Variants in COL24A1 observed in about 807,000 individuals in gnomAD.
COL24A1 encodes the protein collagen type XXIV alpha 1 chain.
A neutral mutation model predicts 253.9 loss-of-function variants in COL24A1; 224 were observed. That is an observed-to-expected ratio of 0.88 (90% CI 0.79 to 0.99). The LOEUF (loss-of-function observed/expected upper bound fraction) is 0.99. Among genes scored for constraint, COL24A1 ranks in the 50% least tolerant of loss-of-function variants. COL24A1 has a pLI of 0.00. For missense variants in COL24A1, 2,131 were observed against 2,068.5 expected, an observed-to-expected ratio of 1.03 and a Z score of -0.59; for synonymous variants, 685 against 673.7, an observed-to-expected ratio of 1.02 and a Z score of -0.26.
chr1:86,076,955 A>C (rs534743477), intron 7 of COL24A1, among the ~76,000 whole-genome samples: 58 of 152,334 alleles, frequency 3.8e-4, no homozygotes, highest in African/African-American at 1.4e-3. Flanking sequence ...TGACTAAAAC[A>C]CCAAAAGCAA....
intron 10 of COL24A1, among the ~76,000 whole-genome samples, chr1:86,051,488 C>T (rs558512616): frequency 6.8e-4 from 103 of 152,084 alleles, no homozygotes; most frequent in African/African-American, 2.4e-3. Context: ...TAACAATGTG[C>T]CATCAGTCAA....
intron 32 of COL24A1, among the ~76,000 whole-genome samples, chr1:85,880,232 G>A (rs1172931659): frequency 6.6e-6 from 1 of 151,982 alleles, no homozygotes; most frequent in African/African-American, 2.4e-5. Context: ...TATATATTTT[G>A]TTAGAGTTAC....
chr1:85,975,814 G>A (rs1692617673), intron 20 of COL24A1, among the ~76,000 whole-genome samples: 1 of 152,162 alleles, frequency 6.6e-6, no homozygotes. Context: ...GTGTGAGGGG[G>A]AACACCTGCC....
intron 24 of COL24A1, among the ~76,000 whole-genome samples, chr1:85,955,177 G>C (rs1690313813): frequency 6.6e-6 from 1 of 152,176 alleles, no homozygotes; most frequent in South Asian, 2.1e-4. Context: ...CATCTACGGG[G>C]AGACCACATG....
intron 12 of COL24A1, among the ~76,000 whole-genome samples, chr1:86,041,273 T>G (rs1262078641): frequency 6.6e-6 from 1 of 152,160 alleles, no homozygotes; most frequent in Admixed American, 6.6e-5. Context: ...TTTGATTATT[T>G]ATAATCCATT....
intron 53 of COL24A1, among the ~76,000 whole-genome samples, chr1:85,764,457 C>T (rs1186968405): frequency 1.2e-3 from 1 of 808 alleles, no homozygotes; most frequent in East Asian, 0.018. Flanking sequence ...GTGGAGGATA[C>T]ACACACACAC....
chr1:86,028,202 G>A (rs532716167), intron 14 of COL24A1, among the ~76,000 whole-genome samples: 12 of 152,264 alleles, frequency 7.9e-5, no homozygotes, highest in African/African-American at 1.9e-4. Context: ...TTGGGTTAAC[G>A]CTGGAATGAG....
At chr1:86,026,727 C>T (rs1287058634) in intron 14 of COL24A1, among the ~76,000 whole-genome samples, 2 of 152,048 alleles carry the variant, frequency 1.3e-5, no homozygotes, top group Non-Finnish European at 2.9e-5. Context: ...TATAAAGATA[C>T]CTGGAAATGT....
In COL24A1 at chr1:85,898,057, T is replaced by C. The variant is rs1050377300; in HGVS notation, c.2779-1648A>G. Among the ~76,000 whole-genome samples, 75 of 152,134 alleles carry C rather than the reference T, an allele frequency of 4.9e-4. 3 individuals are homozygous for C. Among genetic ancestry groups the C allele is most frequent in the Non-Finnish European group, 5.9e-5 (4 of 68,010 alleles). ...ACTCAAAGAATAAAAAAGTAGTTTG[T>C]TTGGTTAGGCTATTGATTACATGTT... On this transcript the variant is annotated intron_variant, in intron 28 of 59. Coordinates refer to ENST00000370571, the MANE Select transcript of COL24A1 (RefSeq NM_152890.7).
chr1:85,773,311 C>T (rs1433016153), intron 53 of COL24A1, among the ~76,000 whole-genome samples: 1 of 152,142 alleles, frequency 6.6e-6, no homozygotes, highest in Non-Finnish European at 1.5e-5. Context: ...TGTGATGACT[C>T]CAGCTTTATT....
At position 85,784,127 on chromosome 1, in the gene COL24A1, A is replaced by C; in HGVS notation, c.4207T>G (p.Phe1403Val). The C allele has an allele frequency of 6.2e-7, 1 of 1,613,372 alleles. No homozygotes were observed. The highest frequency in any genetic ancestry group is 8.5e-7 in the Non-Finnish European group (1 of 1,179,506). ...GVQGLTGFQG[F>V]PGPKGPEGDA... is the part of the protein sequence containing the mutation. ...TGTAAACATACTTTAGGGCCTGGGAATCCTTGGAAACCTGTCAAACCTTGA... is the reference window on the plus strand; with the variant it reads ...TGTAAACATACTTTAGGGCCTGGGACTCCTTGGAAACCTGTCAAACCTTGA... The change falls in exon 50 of 60, where the codon TTC (phenylalanine) becomes GTC (valine). Residue 1403 changes from phenylalanine (F) to valine (V), a missense_variant. Transcript: ENST00000370571.
chr1:85,853,017 T>C (rs1317272729), intron 37 of COL24A1, among the ~76,000 whole-genome samples: 1 of 152,206 alleles, frequency 6.6e-6, no homozygotes, highest in Non-Finnish European at 1.5e-5. Context: ...AGGTTTGTTA[T>C]GTGGATAAAT....
chr1:85,832,301 C>T (rs572948956), intron 43 of COL24A1, among the ~76,000 whole-genome samples: 1 of 152,022 alleles, frequency 6.6e-6, no homozygotes, highest in Non-Finnish European at 1.5e-5. Flanking sequence ...TGTTTTGGTA[C>T]CAGTACCATG....
intron 47 of COL24A1, among the ~76,000 whole-genome samples, chr1:85,803,861 C>T (rs112030197): frequency 5.1e-4 from 77 of 152,194 alleles, no homozygotes; most frequent in Admixed American, 5.2e-4. Context: ...TGGCTAGAAC[C>T]TCATTGAATT....
chr1:86,041,909 A>C (rs17128768), intron 12 of COL24A1, among the ~76,000 whole-genome samples: 10,005 of 152,182 alleles, frequency 0.066, 735 homozygotes, highest in African/African-American at 0.18. Flanking sequence ...ATAGAGAGCA[A>C]AAGGATGAAT....
intron 2 of COL24A1, among the ~76,000 whole-genome samples, chr1:86,129,367 C>T (rs1294651382): frequency 6.6e-6 from 1 of 151,362 alleles, no homozygotes; most frequent in African/African-American, 2.4e-5. Flanking sequence ...TGTATACAGC[C>T]TTCAGATTTA....
At chr1:85,776,840 G>T (rs1217806464) in intron 52 of COL24A1, among the ~76,000 whole-genome samples, 1 of 151,912 alleles carries the variant, frequency 6.6e-6, no homozygotes, top group East Asian at 1.9e-4. Context: ...TGCAAGCTAA[G>T]AATACTATCT....
chr1:85,997,506 C>T (rs936432965), intron 19 of COL24A1, among the ~76,000 whole-genome samples: 4 of 151,968 alleles, frequency 2.6e-5, no homozygotes, highest in East Asian at 1.9e-4. Flanking sequence ...TCATGTGGGC[C>T]GGGCGCAGTG....
chr1:85,817,511 C>G (rs1188607019), intron 46 of COL24A1, among the ~76,000 whole-genome samples: 1 of 151,856 alleles, frequency 6.6e-6, no homozygotes, highest in Non-Finnish European at 1.5e-5. Context: ...TAGGGGACAC[C>G]AGTAAAGTCT....
Sources: gnomAD v4.1 joint callset for allele counts (sites outside exome capture counted in the v4.1 genomes callset) on GRCh38, gnomAD v4.1.1 for gene constraint, MANE v1.5 for transcripts, NCBI Gene and HGNC (gene_info 2026-07-23, HGNC 2026-07-21) for gene names.